CSGALNACT2: variants seen among roughly 807,000 people sequenced by gnomAD.
The protein encoded by CSGALNACT2 is chondroitin sulfate N-acetylgalactosaminyltransferase 2.
CSGALNACT2 carries 35 observed loss-of-function variants against 55.3 expected under a neutral mutation model. The observed-to-expected ratio is 0.63, with a 90% CI of 0.48 to 0.84. The LOEUF (loss-of-function observed/expected upper bound fraction) is 0.84, where lower values mean the gene tolerates loss of function less well. Ranked by LOEUF, CSGALNACT2 falls within the 40% of genes least tolerant of loss-of-function variation. CSGALNACT2 has a pLI of 0.00. For missense variants in CSGALNACT2, 544 were observed against 657.5 expected, an observed-to-expected ratio of 0.83 and a Z score of 1.89; for synonymous variants, 196 against 224.9, an observed-to-expected ratio of 0.87 and a Z score of 1.15.
intron 4 of CSGALNACT2, 94 bp downstream of exon 4, chr10:43,160,689 A>G: frequency 1.5e-6 from 1 of 686,752 alleles, no homozygotes. Context: ...TTTAGTAACT[A>G]TTATTTAAAA....
Position 43,177,049 on chromosome 10 carries a change from C to G in CSGALNACT2, c.1336+1017C>G, listed in dbSNP as rs1474033951. Among the ~76,000 whole-genome samples, 5 of 152,106 alleles carry G rather than the reference C, an allele frequency of 3.3e-5. No individual in the cohort carries two copies. In the East Asian group the frequency reaches 9.6e-4, roughly 29 times the overall value. On this transcript the variant is annotated intron_variant, in intron 7 of 7. Transcript: ENST00000374466. ...TATCACATTCGTTTTTATAACCAGC[C>G]TTTTGTTTTGGAAATCCCCCCACCT...
intron 6 of CSGALNACT2, among the ~76,000 whole-genome samples, chr10:43,174,610 T>C (rs1019109354): frequency 2.0e-5 from 3 of 152,192 alleles, no homozygotes; most frequent in Non-Finnish European, 2.9e-5. Context: ...ACTTGCTGAC[T>C]TCTGTGAAGT....
Position 43,163,859 on chromosome 10 carries a change from C to T in CSGALNACT2, c.981-7C>T. ...CTTATCATTTGTTGTGTGTGCTTTC[C>T]TCATAGTGAGTCTAATTTTCACAAT... On this transcript the variant is annotated splice_region_variant and splice_polypyrimidine_tract_variant and intron_variant, in intron 4 of 7. Coordinates refer to ENST00000374466, the MANE Select transcript of CSGALNACT2 (RefSeq NM_018590.5). 2 of 1,608,930 alleles carry T rather than the reference C, an allele frequency of 1.2e-6. No homozygotes were observed. The highest frequency in any genetic ancestry group is 1.7e-6 in the Non-Finnish European group (2 of 1,176,732).
In CSGALNACT2 at chr10:43,179,978, C is replaced by G. The variant is rs142477705; in HGVS notation, c.1337-3272C>G. Among the ~76,000 whole-genome samples, 4 of 152,298 alleles carry G rather than the reference C, an allele frequency of 2.6e-5. No homozygotes were observed. The East Asian group carries it at 7.7e-4, about 29-fold the overall frequency. On this transcript the variant is annotated intron_variant, in intron 7 of 7. Transcript: ENST00000374466. ...TTGTTCTTATGGACTTCCTCTCCCC[C>G]GGGGGAAAAAATCCATGAGGTTTTG... is the stretch of plus-strand genomic sequence containing the variant.
intron 7 of CSGALNACT2, among the ~76,000 whole-genome samples, chr10:43,177,025 A>T (rs531212173): frequency 1.3e-5 from 2 of 152,328 alleles, no homozygotes; most frequent in South Asian, 4.1e-4. Flanking sequence ...CTAGGTCCAT[A>T]TCACATTCGT....
intron 7 of CSGALNACT2, among the ~76,000 whole-genome samples, chr10:43,179,154 A>C (rs1216384631): frequency 6.6e-6 from 1 of 151,462 alleles, no homozygotes; most frequent in Non-Finnish European, 1.5e-5. Flanking sequence ...GACTTCTTTT[A>C]ATTCTTTGAA....
chr10:43,140,169 G>C (rs765834952), intron 1 of CSGALNACT2, among the ~76,000 whole-genome samples: 1 of 151,944 alleles, frequency 6.6e-6, no homozygotes, highest in African/African-American at 2.4e-5. Flanking sequence ...AGCCTGACTC[G>C]GTCTCAAAAA....
rs1588889997 is a variant in CSGALNACT2, at chr10:43,144,618, G to T, written c.-254+6051G>T. Among the ~76,000 whole-genome samples, 3 of 152,154 alleles carry T rather than the reference G, an allele frequency of 2.0e-5. 1 individual carries two copies. The South Asian group carries it at 6.2e-4, about 32-fold the overall frequency. On this transcript the variant is annotated intron_variant, in intron 1 of 7. Coordinates refer to ENST00000374466, the MANE Select transcript of CSGALNACT2 (RefSeq NM_018590.5). ...CCTTTTTGGCACTGCTACTGAATCT[G>T]ACTTGGCTTTATTTTTTAAACAGCT...
At chr10:43,177,733 G>C (rs1004602625) in intron 7 of CSGALNACT2, among the ~76,000 whole-genome samples, 7 of 152,190 alleles carry the variant, frequency 4.6e-5, no homozygotes, top group African/African-American at 1.7e-4. Context: ...GAACATTTGT[G>C]TTTAACTTTT....
chr10:43,140,313 A>G (rs1800097798), intron 1 of CSGALNACT2, among the ~76,000 whole-genome samples: 1 of 152,222 alleles, frequency 6.6e-6, no homozygotes, highest in Non-Finnish European at 1.5e-5. Flanking sequence ...TGGAGTCATT[A>G]CCAACCATAC....
intron 6 of CSGALNACT2, among the ~76,000 whole-genome samples, chr10:43,169,593 CAT>C (rs1047256648): frequency 1.2e-4 from 18 of 152,050 alleles, no homozygotes; most frequent in African/African-American, 4.1e-4. Flanking sequence ...CACGAGATAA[CAT>C]GAGAGAAAAA....
rs1296568170 is a variant in CSGALNACT2, at chr10:43,184,458, T to G, written c.*916T>G. The G allele has an allele frequency of 1.3e-5, 2 of 152,244 alleles. No individual in the cohort carries two copies. The highest frequency in any genetic ancestry group is 1.3e-4 in the Admixed American group (2 of 15,282). The allele number at this position is 152,244 out of a possible 1,614,324, so 9.4% of individuals were successfully genotyped here. A position where few individuals can be genotyped will look rare whatever the true frequency, so the allele number is the denominator to read the frequency against. ...TTTTCTAATTTGGCATGGATCCATA[T>G]GTATTTACTATCCTTTTTCTAATAT... On this transcript the variant is annotated 3_prime_UTR_variant, in exon 8 of 8. Coordinates refer to ENST00000374466, the MANE Select transcript of CSGALNACT2 (RefSeq NM_018590.5).
intron 1 of CSGALNACT2, among the ~76,000 whole-genome samples, chr10:43,150,227 TGTTA>T (rs1227693345): frequency 1.3e-5 from 2 of 152,254 alleles, no homozygotes; most frequent in Non-Finnish European, 2.9e-5. Flanking sequence ...AAATCAGTTT[TGTTA>T]GTTTCTATCT....
intron 1 of CSGALNACT2, among the ~76,000 whole-genome samples, chr10:43,145,084 C>T (rs1232143510): frequency 2.6e-5 from 4 of 152,138 alleles, no homozygotes; most frequent in Non-Finnish European, 5.9e-5. Context: ...GTTTTGGGCT[C>T]TACACCTAGA....
At chr10:43,139,709 A>C (rs921240549) in intron 1 of CSGALNACT2, among the ~76,000 whole-genome samples, 3 of 152,068 alleles carry the variant, frequency 2.0e-5, no homozygotes, top group African/African-American at 7.2e-5. Context: ...ATCTGCTTTT[A>C]GTTTTCTCTG....
rs1190300400 is a variant in CSGALNACT2 at position 43,166,985 on chromosome 10, C to G, written c.1160-19C>G. 1.4e-6 allele frequency: 2 copies of G among 1,473,876 alleles called. No homozygotes were observed. The highest frequency in any genetic ancestry group is 4.6e-5 in the East Asian group (2 of 43,912). The allele number at this position is 1,473,876 out of a possible 1,614,324, so 91.3% of individuals were successfully genotyped here. ...TCATAACTTCTTTTTATGTTACAAACCTATATTTTAATTTGTAGGTAAGAA... is the reference window on the plus strand; with the variant it reads ...TCATAACTTCTTTTTATGTTACAAAGCTATATTTTAATTTGTAGGTAAGAA... On this transcript the variant is annotated intron_variant, in intron 5 of 7. Transcript: ENST00000374466.
rs1698707497 is a variant in CSGALNACT2 at position 43,155,112 on chromosome 10, A to C, written c.-38A>C. The C allele has an allele frequency of 6.6e-7, 1 of 1,511,864 alleles. No individual in the cohort carries two copies. Among genetic ancestry groups the C allele is most frequent in the Non-Finnish European group, 9.1e-7 (1 of 1,100,952 alleles). The allele number at this position is 1,511,864 out of a possible 1,614,324, so 93.7% of individuals were successfully genotyped here. ...TTTTTACTAAAGGTATGAACACACAAAGAGCTTATTTTGTTAGGCAAATAC... is the reference window on the plus strand; with the variant it reads ...TTTTTACTAAAGGTATGAACACACACAGAGCTTATTTTGTTAGGCAAATAC... On this transcript the variant is annotated 5_prime_UTR_variant, in exon 2 of 8. Transcript: ENST00000374466.
chr10:43,179,169 C>T (rs950461436), intron 7 of CSGALNACT2, among the ~76,000 whole-genome samples: 3 of 150,876 alleles, frequency 2.0e-5, no homozygotes, highest in African/African-American at 7.3e-5. Flanking sequence ...TTTGAACATA[C>T]TTACAATGGC....
chr10:43,146,744 T>A (rs1262506235), intron 1 of CSGALNACT2, among the ~76,000 whole-genome samples: 1 of 150,030 alleles, frequency 6.7e-6, no homozygotes, highest in Non-Finnish European at 1.5e-5. Flanking sequence ...TTTTTTTTTT[T>A]AATAAGAAAA....
Sources: allele counts gnomAD v4.1 joint callset (sites outside exome capture counted in the v4.1 genomes callset), GRCh38; gene constraint gnomAD v4.1.1; transcripts MANE v1.5; gene names NCBI Gene and HGNC (gene_info 2026-07-23, HGNC 2026-07-21).